Variants in OSMR observed in about 807,000 individuals in gnomAD.
OSMR encodes the protein oncostatin-M-specific receptor subunit beta.
Under a neutral mutation model 99.9 loss-of-function variants are expected in OSMR, and 81 were observed. The observed-to-expected ratio is 0.81, with a 90% CI of 0.68 to 0.97. OSMR has a LOEUF of 0.97. Ranked by LOEUF, OSMR falls within the 50% of genes least tolerant of loss-of-function variation. The pLI, the probability that OSMR is intolerant of heterozygous loss-of-function variation, is 0.00. For missense variants in OSMR, 1,099 were observed against 1,153.4 expected, an observed-to-expected ratio of 0.95 and a Z score of 0.68; for synonymous variants, 406 against 410.4, an observed-to-expected ratio of 0.99 and a Z score of 0.13.
rs1742186438 is a variant in OSMR, at chr5:38,869,218, ATTAC to A, written c.73+105_73+108del. The A allele has an allele frequency of 3.3e-6, 3 of 913,832 alleles. No individual in the cohort carries two copies. The South Asian group carries it at 3.9e-5, about 12-fold the overall frequency. The allele number at this position is 913,832 out of a possible 1,614,324, so 56.6% of individuals were successfully genotyped here. A position where few individuals can be genotyped will look rare whatever the true frequency, so the allele number is the denominator to read the frequency against. ...TTAAACAGTTCTTTTTTCTTTGGGAATTACTTAAAATTCCTGAGTATCTCCCATG... is the reference window on the plus strand; with the variant it reads ...TTAAACAGTTCTTTTTTCTTTGGGAATTAAAATTCCTGAGTATCTCCCATG... On this transcript the variant is annotated intron_variant, in intron 2 of 17. Coordinates refer to ENST00000274276, the MANE Select transcript of OSMR (RefSeq NM_003999.3).
downstream of OSMR, among the ~76,000 whole-genome samples, chr5:38,935,802 T>TATC (rs200795019): frequency 8.7e-3 from 1,325 of 152,264 alleles, 17 homozygotes; most frequent in African/African-American, 0.029. Flanking sequence ...ATCTATTTTT[T>TATC]ATCATCAGTT....
rs1561362088 is a variant in OSMR, at chr5:38,881,771, A to C, written c.418+7A>C. ...TCCTGGGAGGAAGTCAGTGGTAAGAAGTGAGGTGGTTACAAGAGTGAAAAG... is the reference window on the plus strand; with the variant it reads ...TCCTGGGAGGAAGTCAGTGGTAAGACGTGAGGTGGTTACAAGAGTGAAAAG... On this transcript the variant is annotated splice_region_variant and intron_variant, in intron 4 of 17. Transcript: ENST00000274276. The C allele has an allele frequency of 6.2e-7, 1 of 1,612,222 alleles. No individual in the cohort carries two copies. The highest frequency in any genetic ancestry group is 8.5e-7 in the Non-Finnish European group (1 of 1,178,210).
At chr5:38,936,420 A>T (rs76600828), downstream of OSMR, among the ~76,000 whole-genome samples, 485 of 152,330 alleles carry the variant, frequency 3.2e-3, 6 homozygotes, top group African/African-American at 0.011. Flanking sequence ...ACTGGCATAT[A>T]TGGCCTTTAC....
chr5:38,885,059 C>T, intron 5 of OSMR: 2 of 336,084 alleles, frequency 6.0e-6, no homozygotes, highest in South Asian at 1.2e-4. Flanking sequence ...TTGGCAGGCA[C>T]TGGGGATACA....
At chr5:38,886,323 T>C (rs1743768775) in intron 7 of OSMR, 133 bp downstream of exon 7, 1 of 1,529,156 alleles carries the variant, frequency 6.5e-7, no homozygotes, top group East Asian at 2.3e-5. Flanking sequence ...TTATACCTAT[T>C]GTTCATGCCA....
At chr5:38,848,038 C>G (rs1353583926) in intron 1 of OSMR, among the ~76,000 whole-genome samples, 1 of 152,094 alleles carries the variant, frequency 6.6e-6, no homozygotes, top group Non-Finnish European at 1.5e-5. Flanking sequence ...AGGACAAAAC[C>G]GAATCAGGAG....
chr5:38,918,630 C>T (rs1344585057), intron 10 of OSMR: 1 of 565,614 alleles, frequency 1.8e-6, no homozygotes, highest in African/African-American at 2.0e-5. Flanking sequence ...CTCTTATCTC[C>T]AAATGATCCT....
chr5:38,881,648 C>A lies in OSMR; in HGVS notation c.302C>A (p.Ser101Tyr). ...WNQVLHWSWE[S>Y]ELPLECATHF... is the part of the protein sequence containing the mutation. The stretch of plus-strand genomic sequence containing the variant: ...CAGGTTCTGCATTGGAGCTGGGAAT[C>A]TGAGCTCCCTTTGGAATGTGCCACA... The change falls in exon 4 of 18, where the codon TCT becomes TAT. Residue 101 changes from serine (S) to tyrosine (Y), a missense_variant. Coordinates refer to ENST00000274276, the MANE Select transcript of OSMR (RefSeq NM_003999.3). 1 of 1,614,150 alleles carries A rather than the reference C, an allele frequency of 6.2e-7. No individual in the cohort carries two copies.
chr5:38,868,478 C>A (rs1742115078), intron 1 of OSMR, among the ~76,000 whole-genome samples: 1 of 152,160 alleles, frequency 6.6e-6, no homozygotes, highest in Non-Finnish European at 1.5e-5. Context: ...CAGGGCCGGT[C>A]TTTTCTGTGC....
chr5:38,942,436 T>C, intron 1 of OSMR: 1 of 953,018 alleles, frequency 1.0e-6, no homozygotes, highest in Admixed American at 2.4e-5. Context: ...ATATAACATA[T>C]TTATATAAAT....
intron 9 of OSMR, among the ~76,000 whole-genome samples, chr5:38,910,902 C>T (rs940318705): frequency 6.6e-6 from 1 of 152,016 alleles, no homozygotes; most frequent in Non-Finnish European, 1.5e-5. Flanking sequence ...CCCAGCCAGT[C>T]GGGAGGCTGA....
intron 11 of OSMR, among the ~76,000 whole-genome samples, chr5:38,920,615 A>G (rs1306914782): frequency 6.6e-6 from 1 of 152,168 alleles, no homozygotes; most frequent in African/African-American, 2.4e-5. Context: ...CCCTAGCTGG[A>G]TGATATTTTG....
rs1395700240 is a variant in OSMR at position 38,931,997 on chromosome 5, A to T, written c.2294+33A>T. 2.0e-6 allele frequency: 3 copies of T among 1,472,836 alleles called. No individual in the cohort carries two copies. In the Admixed American group the frequency reaches 5.0e-5, roughly 25 times the overall value. The allele number at this position is 1,472,836 out of a possible 1,614,324, so 91.2% of individuals were successfully genotyped here. A position where few individuals can be genotyped will look rare whatever the true frequency, so the allele number is the denominator to read the frequency against. ...TGTGAGGAAGGTTTTATCCAAGAAG[A>T]GAGTAAGAGAAAAGTCTGGAAAGAG... On this transcript the variant is annotated intron_variant, in intron 16 of 17. Coordinates refer to ENST00000274276, the MANE Select transcript of OSMR (RefSeq NM_003999.3).
At position 38,886,553 on chromosome 5, in the gene OSMR, T is replaced by C. The variant is rs936659586; in HGVS notation, c.991+363T>C. 2.4e-5 allele frequency: 5 copies of C among 204,246 alleles called. No homozygotes were observed. In the East Asian group the frequency reaches 6.1e-4, roughly 25 times the overall value. 12.7% of individuals were successfully genotyped at this position (204,246 alleles called of 1,614,324 possible). A position where few individuals can be genotyped will look rare whatever the true frequency, so the allele number is the denominator to read the frequency against. The stretch of plus-strand genomic sequence containing the variant: ...CTCATTTCTTATGTGATGGTAAAAA[T>C]GCCTTTATTTTGTTTGGTTTTAATG... On this transcript the variant is annotated intron_variant, in intron 7 of 17. Transcript: ENST00000274276.
intron 9 of OSMR, among the ~76,000 whole-genome samples, chr5:38,905,230 C>T (rs575138740): frequency 9.8e-5 from 15 of 152,320 alleles, no homozygotes; most frequent in Non-Finnish European, 1.6e-4. Context: ...GTGGCTCACA[C>T]CTGTAATCCT....
Position 38,933,593 on chromosome 5 carries a change from G to A in OSMR, c.*149G>A. On this transcript the variant is annotated 3_prime_UTR_variant, in exon 18 of 18. Transcript: ENST00000274276. ...ACCACTACAGTCTGGCTAGGTTAAA[G>A]GCCAGAGGCTATGGAACTTAACACT... The A allele has an allele frequency of 1.2e-6, 1 of 837,004 alleles. No individual in the cohort carries two copies. Among genetic ancestry groups the A allele is most frequent in the Non-Finnish European group, 1.9e-6 (1 of 519,600 alleles). 51.8% of individuals were successfully genotyped at this position (837,004 alleles called of 1,614,324 possible).
chr5:38,859,598 T>C (rs558407257), intron 1 of OSMR, among the ~76,000 whole-genome samples: 1 of 152,338 alleles, frequency 6.6e-6, no homozygotes, highest in Admixed American at 6.5e-5. Context: ...TGTGGTTTCA[T>C]ATGAATTTTA....
chr5:38,921,465 C>T, intron 11 of OSMR, 150 bp from the exon 12 acceptor site: 4 of 1,488,218 alleles, frequency 2.7e-6, no homozygotes, highest in Non-Finnish European at 3.6e-6. Context: ...CCCATGAAAA[C>T]ATCCCCCACC....
intron 15 of OSMR, 115 bp from the exon 16 acceptor site, chr5:38,931,768 A>G (rs1746762622): frequency 2.1e-5 from 32 of 1,514,976 alleles, no homozygotes; most frequent in Non-Finnish European, 2.8e-5. Context: ...ACTTGCATAC[A>G]TAATTTGAGA....
Sources: gnomAD v4.1 joint callset for allele counts (sites outside exome capture counted in the v4.1 genomes callset) on GRCh38, gnomAD v4.1.1 for gene constraint, MANE v1.5 for transcripts, NCBI Gene and HGNC (gene_info 2026-07-23, HGNC 2026-07-21) for gene names.